The following RANBP2 variants were observed in gnomAD, a reference collection of about 807,000 sequenced individuals.
The protein encoded by RANBP2 is RAN binding protein 2.
A neutral mutation model predicts 303.6 loss-of-function variants in RANBP2; 57 were observed. That is an observed-to-expected ratio of 0.19 (90% CI 0.15 to 0.23). The LOEUF is 0.23. Among genes scored for constraint, RANBP2 ranks in the 10% least tolerant of loss-of-function variants. The probability of loss-of-function intolerance (pLI) is 1.00; values close to 1 mark genes in which losing one functional copy is unlikely to be tolerated. For synonymous variants in RANBP2, 1,167 were observed against 1,301.5 expected, an observed-to-expected ratio of 0.90 and a Z score of 2.23; for missense variants, 3,138 against 3,780.8, an observed-to-expected ratio of 0.83 and a Z score of 4.46.
chr2:109,159,605 ACTGATACCAGTCTGTGCC>A, the RANBP2 span, among the ~76,000 whole-genome samples: 1 of 152,170 alleles, frequency 6.6e-6, no homozygotes, highest in Non-Finnish European at 1.5e-5. Flanking sequence ...TGGGCCATGG[ACTGATACCAGTCTGTGCC>A]CTGTTAGGAA....
At chr2:108,937,807 A>T in the RANBP2 span, among the ~76,000 whole-genome samples, 231 of 152,282 alleles carry the variant, frequency 1.5e-3, no homozygotes, top group African/African-American at 5.3e-3. Context: ...GACAGGCCCC[A>T]TGCACAGTGG....
At chr2:108,988,219 C>T in the RANBP2 span, among the ~76,000 whole-genome samples, 3 of 152,224 alleles carry the variant, frequency 2.0e-5, no homozygotes, top group Non-Finnish European at 2.9e-5. Flanking sequence ...GTGGGAACCT[C>T]GCCTGCTGAC....
chr2:109,588,440 G>A, the RANBP2 span, among the ~76,000 whole-genome samples: 1 of 152,078 alleles, frequency 6.6e-6, no homozygotes, highest in Non-Finnish European at 1.5e-5. Context: ...ACAAAATACA[G>A]GAGGACTGAA....
the RANBP2 span, among the ~76,000 whole-genome samples, chr2:109,132,387 CAG>C: frequency 6.6e-6 from 1 of 152,142 alleles, no homozygotes; most frequent in African/African-American, 2.4e-5. Context: ...GGACACAAAA[CAG>C]TGTTTTCCTG....
the RANBP2 span, among the ~76,000 whole-genome samples, chr2:108,928,571 TGATGTGTTGTG>T: frequency 6.6e-6 from 1 of 152,148 alleles, no homozygotes; most frequent in African/African-American, 2.4e-5. Flanking sequence ...TTGCAAAGCA[TGATGTGTTGTG>T]GCCACTAGGG....
chr2:108,736,244 G>A lies in RANBP2; in HGVS notation c.777G>A (p.Leu259=). ...ATGTGCAGGAAAGTAGAGAATTACT[G>A]CAAAGGTACGTTGACTTTGAGAAGA... ...TRDVQESREL[L]QSFDSALQSV... is the part of the protein sequence containing the mutation. The change falls in exon 6 of 29, where the codon CTG becomes CTA. Residue 259 remains leucine (L), a synonymous_variant. Transcript: ENST00000283195. The A allele has an allele frequency of 6.2e-7, 1 of 1,611,964 alleles. No homozygotes were observed. Among genetic ancestry groups the A allele is most frequent in the East Asian group, 2.2e-5 (1 of 44,864 alleles).
At chr2:108,866,513 T>C in the RANBP2 span, among the ~76,000 whole-genome samples, 1 of 152,204 alleles carries the variant, frequency 6.6e-6, no homozygotes, top group East Asian at 1.9e-4. Flanking sequence ...ATTTAGGATA[T>C]TCCATGTACA....
the RANBP2 span, among the ~76,000 whole-genome samples, chr2:109,397,604 C>T: frequency 6.6e-6 from 1 of 152,312 alleles, no homozygotes; most frequent in South Asian, 2.1e-4. Flanking sequence ...GACACTGTCA[C>T]TCACAGATGG....
chr2:108,907,741 G>C, the RANBP2 span: 1 of 1,188,914 alleles, frequency 8.4e-7, no homozygotes, highest in South Asian at 1.2e-5. Context: ...CTCCTATCTT[G>C]GACTTCTGGG....
At chr2:109,153,431 T>C in the RANBP2 span, among the ~76,000 whole-genome samples, 3 of 152,200 alleles carry the variant, frequency 2.0e-5, no homozygotes, top group African/African-American at 7.2e-5. Context: ...GACAGATTAG[T>C]TCTGCTGAGA....
chr2:109,398,971 T>A, the RANBP2 span: 6 of 1,583,424 alleles, frequency 3.8e-6, no homozygotes, highest in Admixed American at 3.4e-5. Context: ...AGGGCAGGCA[T>A]CCCTGGGTTC....
At chr2:108,920,731 T>C in the RANBP2 span, among the ~76,000 whole-genome samples, 1 of 152,082 alleles carries the variant, frequency 6.6e-6, no homozygotes, top group African/African-American at 2.4e-5. Flanking sequence ...TAAAGGAAAA[T>C]ATATGTTGCT....
the RANBP2 span, among the ~76,000 whole-genome samples, chr2:108,972,799 G>A: frequency 7.2e-5 from 11 of 152,260 alleles, no homozygotes; most frequent in East Asian, 9.7e-4. Flanking sequence ...GGGGGCCTCC[G>A]GCAGGGGCGT....
the RANBP2 span, among the ~76,000 whole-genome samples, chr2:109,484,278 G>T: frequency 1.3e-5 from 2 of 152,028 alleles, no homozygotes; most frequent in Non-Finnish European, 2.9e-5. Context: ...TGTTGGCCAG[G>T]CTGGTCTCGA....
At chr2:109,564,705 T>C in the RANBP2 span, among the ~76,000 whole-genome samples, 1 of 152,218 alleles carries the variant, frequency 6.6e-6, no homozygotes, top group African/African-American at 2.4e-5. Context: ...GAAGAAACTC[T>C]TGCAGTATAA....
At chr2:108,864,120 G>A in the RANBP2 span, among the ~76,000 whole-genome samples, 1 of 151,756 alleles carries the variant, frequency 6.6e-6, no homozygotes, top group Non-Finnish European at 1.5e-5. Context: ...TTTTAAGTTT[G>A]TGTTATATAG....
chr2:108,867,791 T>C, the RANBP2 span, among the ~76,000 whole-genome samples: 1 of 152,354 alleles, frequency 6.6e-6, no homozygotes, highest in South Asian at 2.1e-4. Flanking sequence ...TGGTATTGAA[T>C]GTTGCTGTGT....
chr2:108,929,441 G>T, the RANBP2 span: 1 of 1,556,124 alleles, frequency 6.4e-7, no homozygotes, highest in Non-Finnish European at 8.9e-7. Flanking sequence ...TACGGACTCG[G>T]CCCACAGTCC....
chr2:109,071,688 A>T, the RANBP2 span, among the ~76,000 whole-genome samples: 1 of 151,646 alleles, frequency 6.6e-6, no homozygotes. Context: ...AAAAAAAGAC[A>T]TTTATGTAGA....
Sources: allele counts gnomAD v4.1 joint callset (sites outside exome capture counted in the v4.1 genomes callset), GRCh38; gene constraint gnomAD v4.1.1; transcripts MANE v1.5; gene names NCBI Gene and HGNC (gene_info 2026-07-23, HGNC 2026-07-21).